GAB2: variants seen among roughly 807,000 people sequenced by gnomAD.
GAB2 encodes GRB2-associated-binding protein 2.
GAB2 carries 26 observed loss-of-function variants against 65.5 expected under a neutral mutation model. The ratio of observed to expected loss-of-function variants is 0.40; its 90% CI spans 0.29 to 0.55. The LOEUF is 0.55. Ranked by LOEUF, GAB2 falls within the 20% of genes least tolerant of loss-of-function variation. GAB2 has a pLI of 0.53. For missense variants in GAB2, 884 were observed against 875.8 expected, an observed-to-expected ratio of 1.01 and a Z score of -0.12; for synonymous variants, 321 against 329.6, an observed-to-expected ratio of 0.97 and a Z score of 0.28.
intron 3 of GAB2, among the ~76,000 whole-genome samples, chr11:78,234,769 T>A (rs2373009): frequency 0.16 from 24,134 of 151,822 alleles, 2,368 homozygotes; most frequent in East Asian, 0.39. Flanking sequence ...AATCAAGTAA[T>A]ATAAATCCTG....
chr11:78,308,498 G>A (rs1350836741), intron 1 of GAB2, among the ~76,000 whole-genome samples: 2 of 152,202 alleles, frequency 1.3e-5, no homozygotes, highest in Non-Finnish European at 1.5e-5. Context: ...TTATCAAGGA[G>A]TTTGAACTTA....
rs114272688 is a variant in GAB2, at chr11:78,219,063, T to C, written c.*209A>G. 4.0e-3 allele frequency: 2,189 copies of C among 550,568 alleles called. 39 individuals carry two copies. The highest frequency in any genetic ancestry group is 0.033 in the African/African-American group (1,742 of 52,900). 34.1% of individuals were successfully genotyped at this position (550,568 alleles called of 1,614,324 possible). A position where few individuals can be genotyped will look rare whatever the true frequency, so the allele number is the denominator to read the frequency against. ...GGCCATTACTGATAAAAATCACAGCTGGGCCCCGAGTGGGCAGAGGAGGTG... is the reference window on the plus strand; with the variant it reads ...GGCCATTACTGATAAAAATCACAGCCGGGCCCCGAGTGGGCAGAGGAGGTG... On this transcript the variant is annotated 3_prime_UTR_variant, in exon 10 of 10. Transcript: ENST00000361507.
At chr11:78,286,186 A>T (rs1016622534) in intron 1 of GAB2, among the ~76,000 whole-genome samples, 9 of 152,190 alleles carry the variant, frequency 5.9e-5, no homozygotes, top group African/African-American at 2.2e-4. Flanking sequence ...ATTACCTATT[A>T]TTCTCCAAAT....
chr11:78,324,946 C>A (rs73496793), intron 1 of GAB2, among the ~76,000 whole-genome samples: 1 of 152,116 alleles, frequency 6.6e-6, no homozygotes, highest in Non-Finnish European at 1.5e-5. Context: ...GTTAAACTTT[C>A]GGGAACTTTG....
intron 1 of GAB2, among the ~76,000 whole-genome samples, chr11:78,415,698 G>T (rs1396701405): frequency 1.3e-5 from 2 of 152,274 alleles, no homozygotes; most frequent in South Asian, 2.1e-4. Flanking sequence ...GCCATCATAC[G>T]ACTAGATTCG....
At chr11:78,294,469 A>T (rs1866770079) in intron 1 of GAB2, among the ~76,000 whole-genome samples, 1 of 152,152 alleles carries the variant, frequency 6.6e-6, no homozygotes, top group Non-Finnish European at 1.5e-5. Flanking sequence ...TTTCTAGTTC[A>T]AGATCCCTGA....
In GAB2 at chr11:78,317,884, C is replaced by G. The variant is rs184344645; in HGVS notation, c.76-36983G>C. Among the ~76,000 whole-genome samples the G allele has an allele frequency of 2.6e-4, 39 of 152,226 alleles. No homozygotes were observed. In the East Asian group the frequency reaches 6.2e-3, roughly 24 times the overall value. On this transcript the variant is annotated intron_variant, in intron 1 of 9. Transcript: ENST00000361507. The stretch of plus-strand genomic sequence containing the variant: ...CAAGAAAAAGAAGAAGAAGATTAAA[C>G]TACATTACATTTCCTTTTAACTCTA...
At chr11:78,307,575 T>G in intron 1 of GAB2, among the ~76,000 whole-genome samples, 1 of 126,776 alleles carries the variant, frequency 7.9e-6, no homozygotes, top group African/African-American at 3.6e-5. Flanking sequence ...ATGGGAAAGA[T>G]GGTGAGATCC....
chr11:78,346,535 T>G (rs1288459042), intron 1 of GAB2, among the ~76,000 whole-genome samples: 1 of 150,216 alleles, frequency 6.7e-6, no homozygotes, highest in East Asian at 1.9e-4. Context: ...TACTTCTCAC[T>G]TTAAAGCTCC....
chr11:78,273,769 T>C (rs550496613), intron 2 of GAB2, among the ~76,000 whole-genome samples: 2 of 152,310 alleles, frequency 1.3e-5, no homozygotes, highest in South Asian at 4.1e-4. Flanking sequence ...CCAAATCTCA[T>C]CTTGGATTCC....
chr11:78,366,585 C>A (rs1363820836), intron 1 of GAB2, among the ~76,000 whole-genome samples: 21 of 32,946 alleles, frequency 6.4e-4, no homozygotes, highest in African/African-American at 1.3e-3. Context: ...GACTCCATCT[C>A]AAAAAAAAAA....
chr11:78,306,186 A>C (rs1190169550), intron 1 of GAB2, among the ~76,000 whole-genome samples: 1 of 152,226 alleles, frequency 6.6e-6, no homozygotes, highest in Non-Finnish European at 1.5e-5. Context: ...TTACTAATAT[A>C]AATCCATCCC....
At chr11:78,342,142 A>G (rs996290907) in intron 1 of GAB2, among the ~76,000 whole-genome samples, 1 of 152,242 alleles carries the variant, frequency 6.6e-6, no homozygotes, top group Non-Finnish European at 1.5e-5. Context: ...CGCAGAAACA[A>G]AAATTTCAAC....
intron 1 of GAB2, among the ~76,000 whole-genome samples, chr11:78,416,950 G>A (rs996168366): frequency 2.0e-5 from 3 of 152,156 alleles, no homozygotes; most frequent in African/African-American, 7.2e-5. Context: ...CCCGACCCCA[G>A]ACACCCGGGA....
intron 2 of GAB2, among the ~76,000 whole-genome samples, chr11:78,270,614 C>T (rs1046303108): frequency 3.3e-5 from 5 of 152,176 alleles, no homozygotes; most frequent in African/African-American, 9.6e-5. Context: ...CAGCCCCTAC[C>T]TATCTCACTT....
intron 3 of GAB2, among the ~76,000 whole-genome samples, chr11:78,227,388 G>C (rs527813773): frequency 4.7e-4 from 72 of 152,268 alleles, no homozygotes; most frequent in African/African-American, 1.7e-3. Context: ...ACAGTGGAAA[G>C]AACCTTTAAG....
chr11:78,268,164 G>A (rs1865916196), intron 2 of GAB2, among the ~76,000 whole-genome samples: 1 of 152,014 alleles, frequency 6.6e-6, no homozygotes, highest in South Asian at 2.1e-4. Flanking sequence ...CCTCTCAATT[G>A]TTTCATAAAT....
intron 3 of GAB2, among the ~76,000 whole-genome samples, chr11:78,244,204 T>C (rs773128901): frequency 1.6e-4 from 25 of 152,106 alleles, no homozygotes; most frequent in Non-Finnish European, 3.4e-4. Context: ...CCAGCCTGGC[T>C]AATGTGGTAA....
chr11:78,409,134 G>A (rs1857092202), intron 1 of GAB2, among the ~76,000 whole-genome samples: 1 of 152,030 alleles, frequency 6.6e-6, no homozygotes. Context: ...ATCAGATATA[G>A]GCTATAATAT....
Sources: allele counts gnomAD v4.1 joint callset (sites outside exome capture counted in the v4.1 genomes callset), GRCh38; gene constraint gnomAD v4.1.1; transcripts MANE v1.5; gene names NCBI Gene and HGNC (gene_info 2026-07-23, HGNC 2026-07-21).